The following TMEM178B variants were observed in gnomAD, a reference collection of about 807,000 sequenced individuals.
The protein encoded by TMEM178B is transmembrane protein 178B.
Under a neutral mutation model 31.0 loss-of-function variants are expected in TMEM178B, and 5 were observed. That is an observed-to-expected ratio of 0.16 (90% confidence interval 0.08 to 0.34). The LOEUF (loss-of-function observed/expected upper bound fraction) is 0.34, where lower values mean the gene tolerates loss of function less well. Among genes scored for constraint, TMEM178B ranks in the 10% least tolerant of loss-of-function variants. TMEM178B has a pLI of 1.00. For synonymous variants in TMEM178B, 164 were observed against 164.0 expected, an observed-to-expected ratio of 1.00 and a Z score of 0.00; for missense variants, 275 against 400.3, an observed-to-expected ratio of 0.69 and a Z score of 2.67.
intron 2 of TMEM178B, among the ~76,000 whole-genome samples, chr7:141,406,786 G>C (rs1182958213): frequency 6.6e-6 from 1 of 152,230 alleles, no homozygotes; most frequent in Non-Finnish European, 1.5e-5. Context: ...TTAAGGTAAA[G>C]ATCCTATAAC....
At chr7:141,240,740 A>G (rs151275900) in intron 2 of TMEM178B, among the ~76,000 whole-genome samples, 4 of 152,328 alleles carry the variant, frequency 2.6e-5, no homozygotes, top group African/African-American at 4.8e-5. Flanking sequence ...CTGTTTTGCT[A>G]TTATTTATAT....
chr7:141,455,437 AAGAG>A (rs1801945612), intron 3 of TMEM178B, among the ~76,000 whole-genome samples: 1 of 152,228 alleles, frequency 6.6e-6, no homozygotes, highest in South Asian at 2.1e-4. Context: ...ACTGGAGAAG[AAGAG>A]AGATTCTCTG....
In TMEM178B at chr7:141,198,908, G is replaced by A. The variant is rs190958926; in HGVS notation, c.383-13683G>A. Reference sequence around the variant, plus strand: ...GCTCGCGGCTCTGAACTTTCCCAAAGGTCATTAGGGATGTGATGGGAATAA... The same window carrying A: ...GCTCGCGGCTCTGAACTTTCCCAAAAGTCATTAGGGATGTGATGGGAATAA... On this transcript the variant is annotated intron_variant, in intron 1 of 3. Transcript: ENST00000565468. 3.8e-3 allele frequency among the ~76,000 whole-genome samples: 577 copies of A among 152,298 alleles called. 8 individuals carry two copies. The highest frequency in any genetic ancestry group is 0.013 in the African/African-American group (547 of 41,550).
Position 141,231,611 on chromosome 7 carries a change from T to G in TMEM178B, c.496+18907T>G, listed in dbSNP as rs142698083. On this transcript the variant is annotated intron_variant, in intron 2 of 3. Transcript: ENST00000565468. ...AGAGACGGAAGCAAAGCCTGCTCCC[T>G]GGGGGCTGGAAGGGCCCTCTCTGCC... Among the ~76,000 whole-genome samples, 6 of 152,348 alleles carry G rather than the reference T, an allele frequency of 3.9e-5. No individual in the cohort carries two copies. The East Asian group carries it at 9.6e-4, about 24-fold the overall frequency.
intron 1 of TMEM178B, among the ~76,000 whole-genome samples, chr7:141,161,951 A>C (rs1178252518): frequency 1.4e-5 from 1 of 73,700 alleles, no homozygotes; most frequent in Non-Finnish European, 2.8e-5. Flanking sequence ...AGGATTTGTG[A>C]GAGAGCATGA....
chr7:141,443,739 G>A (rs1801703676), intron 3 of TMEM178B, among the ~76,000 whole-genome samples: 1 of 152,212 alleles, frequency 6.6e-6, no homozygotes, highest in African/African-American at 2.4e-5. Context: ...TGAAGATGGA[G>A]TGCTGCGATG....
chr7:141,479,851 G>C lies in TMEM178B; in HGVS notation c.*9065G>C, dbSNP rs890581375. ...AGACAAGGAGTGGTGTGTACTGCAG[G>C]ATTCTAACAATGCCTCTGCCCTTGG... On this transcript the variant is annotated 3_prime_UTR_variant, in exon 4 of 4. Transcript: ENST00000565468. The C allele has an allele frequency of 3.3e-5, 5 of 152,176 alleles. No individual in the cohort carries two copies. The highest frequency in any genetic ancestry group is 1.2e-4 in the African/African-American group (5 of 41,438). The allele number at this position is 152,176 out of a possible 1,614,324, so 9.4% of individuals were successfully genotyped here.
intron 2 of TMEM178B, among the ~76,000 whole-genome samples, chr7:141,254,423 C>G (rs1446501829): frequency 6.6e-6 from 1 of 152,182 alleles, no homozygotes; most frequent in Admixed American, 6.5e-5. Context: ...AAATTAAAAG[C>G]TTGTTTACTG....
chr7:141,256,145 G>T (rs994041869), intron 2 of TMEM178B, among the ~76,000 whole-genome samples: 4 of 152,062 alleles, frequency 2.6e-5, no homozygotes, highest in Non-Finnish European at 4.4e-5. Flanking sequence ...CCTACCTGTG[G>T]TAGGGCATAT....
In TMEM178B at chr7:141,074,514, C is replaced by T. The variant is rs1222356409; in HGVS notation, c.204C>T (p.Ser68=). 3.3e-6 allele frequency: 5 copies of T among 1,536,042 alleles called. No individual in the cohort carries two copies. The South Asian group carries it at 5.9e-5, about 18-fold the overall frequency. Residue 68 remains serine (S), a synonymous_variant, in exon 1 of 4, where the codon AGC becomes AGT. Transcript: ENST00000565468. The surrounding 1 kb of genome is among the most constrained non-coding windows in gnomAD (Gnocchi z 5.1). ...ACAACAACTTGCCGCTCCGGGCGAG[C>T]CGCTCGCGCCTGGACCGCTGGGAGG... is the stretch of plus-strand genomic sequence containing the variant. ...NNNNNLPLRA[S]RSRLDRWEGK...
At chr7:141,192,464 G>A (rs1401015443) in intron 1 of TMEM178B, among the ~76,000 whole-genome samples, 1 of 150,690 alleles carries the variant, frequency 6.6e-6, no homozygotes, top group Non-Finnish European at 1.5e-5. Context: ...GAGATGGGAA[G>A]GAATGGGGAC....
chr7:141,356,699 G>A (rs1401863316), intron 2 of TMEM178B, among the ~76,000 whole-genome samples: 1 of 151,082 alleles, frequency 6.6e-6, no homozygotes, highest in Non-Finnish European at 1.5e-5. Flanking sequence ...TTGCTGAGTG[G>A]CCTCACTCAG....
rs115014939 is a variant in TMEM178B, at chr7:141,366,450, A to T, written c.497-71158A>T. ...ACTTGGTTGCCTGTTAGACCAAAGG[A>T]TACATTTCCTTGTGTTTAAGGCCTC... On this transcript the variant is annotated intron_variant, in intron 2 of 3. Coordinates refer to ENST00000565468, the MANE Select transcript of TMEM178B (RefSeq NM_001195278.2). Among the ~76,000 whole-genome samples the T allele has an allele frequency of 6.1e-3, 936 of 152,306 alleles. 11 individuals are homozygous for T. The highest frequency in any genetic ancestry group is 0.021 in the African/African-American group (893 of 41,554).
At chr7:141,203,186 C>T (rs115767236) in intron 1 of TMEM178B, among the ~76,000 whole-genome samples, 1,734 of 152,282 alleles carry the variant, frequency 0.011, 40 homozygotes, top group African/African-American at 0.04. Context: ...AAAGAGGAGA[C>T]GAAGCCTGAG....
intron 1 of TMEM178B, among the ~76,000 whole-genome samples, chr7:141,179,960 T>G (rs1159141378): frequency 2.0e-5 from 3 of 152,178 alleles, no homozygotes; most frequent in Non-Finnish European, 4.4e-5. Context: ...CCTCACACTT[T>G]CAGTGCCCCA....
intron 2 of TMEM178B, among the ~76,000 whole-genome samples, chr7:141,364,719 A>G (rs1264276735): frequency 2.6e-5 from 4 of 151,380 alleles, no homozygotes; most frequent in African/African-American, 9.7e-5. Flanking sequence ...AAATGACCAC[A>G]CTACAGGCCA....
the TMEM178B span, among the ~76,000 whole-genome samples, chr7:141,503,959 A>G: frequency 3.9e-5 from 6 of 152,218 alleles, no homozygotes; most frequent in African/African-American, 1.4e-4. Context: ...CCAGACTTCA[A>G]CTGTTCTCAA....
At chr7:141,389,748 A>T (rs1800500500) in intron 2 of TMEM178B, among the ~76,000 whole-genome samples, 1 of 152,144 alleles carries the variant, frequency 6.6e-6, no homozygotes, top group African/African-American at 2.4e-5. Flanking sequence ...CTAAATGGGA[A>T]AATTATGTGG....
At chr7:141,088,488 C>A (rs1009416526) in intron 1 of TMEM178B, among the ~76,000 whole-genome samples, 2 of 152,188 alleles carry the variant, frequency 1.3e-5, no homozygotes, top group African/African-American at 4.8e-5. Context: ...CTTTCTCACT[C>A]TTCACCTTCT....
Sources: gnomAD v4.1 joint callset for allele counts (sites outside exome capture counted in the v4.1 genomes callset) on GRCh38, gnomAD v4.1.1 for gene constraint, Gnocchi (gnomAD v3.1) non-coding constraint, MANE v1.5 for transcripts, NCBI Gene and HGNC (gene_info 2026-07-23, HGNC 2026-07-21) for gene names.